PRRX1: variants seen among roughly 807,000 people sequenced by gnomAD.
PRRX1 encodes paired related homeobox 1.
In PRRX1, 8 loss-of-function variants were observed where a neutral mutation model predicts 24.0. The ratio of observed to expected loss-of-function variants is 0.33; its 90% CI spans 0.20 to 0.60. The LOEUF (loss-of-function observed/expected upper bound fraction) is 0.60, where lower values mean the gene tolerates loss of function less well. Among genes scored for constraint, PRRX1 ranks in the 20% least tolerant of loss-of-function variants. The probability of loss-of-function intolerance (pLI) is 0.82; values close to 1 mark genes in which losing one functional copy is unlikely to be tolerated. For missense variants in PRRX1, 281 were observed against 322.4 expected (o/e 0.87, Z 0.98); for synonymous variants, 160 against 131.7 (o/e 1.22, Z -1.47).
rs372525166 is a variant in PRRX1 at position 170,692,741 on chromosome 1, T to TCTCACA, written c.242-26984_242-26983insTCACAC. On this transcript the variant is annotated intron_variant, in intron 1 of 3. Transcript: ENST00000239461. Reference sequence around the variant, plus strand: ...CTCTCTCTCTCTCTCTCTCTCTCTCTCACACACACACACACACACACAGAC... The same window carrying TCTCACA: ...CTCTCTCTCTCTCTCTCTCTCTCTCTCTCACACACACACACACACACACACACAGAC... 2.6e-3 allele frequency among the ~76,000 whole-genome samples: 361 copies of TCTCACA among 139,548 alleles called. 1 individual carries two copies. Among genetic ancestry groups the TCTCACA allele is most frequent in the Admixed American group, 7.4e-3 (102 of 13,814 alleles). 91.5% of individuals were successfully genotyped at this position (139,548 alleles called of 152,430 possible).
rs753593273 is a variant in PRRX1 at position 170,726,384 on chromosome 1, G to C, written c.582G>C (p.Gly194=). The change falls in exon 3 of 4, where the codon GGG becomes GGC. Residue 194 remains glycine, a synonymous_variant. Coordinates refer to ENST00000239461, the MANE Select transcript of PRRX1 (RefSeq NM_022716.4). ...APRPTDYLSW[G]TASPYSAMAT... is the part of the protein sequence containing the mutation. The stretch of plus-strand genomic sequence containing the variant: ...GACCCACCGATTATCTCTCCTGGGG[G>C]ACAGCGTCTCCGTACAGGTGAATGA... The C allele has an allele frequency of 1.9e-6, 3 of 1,613,942 alleles. No homozygotes were observed. The highest frequency in any genetic ancestry group is 2.5e-6 in the Non-Finnish European group (3 of 1,179,890).
intron 1 of PRRX1, among the ~76,000 whole-genome samples, chr1:170,697,572 T>C (rs1654211662): frequency 6.6e-6 from 1 of 151,260 alleles, no homozygotes; most frequent in Non-Finnish European, 1.5e-5. Context: ...TTCCAATCTT[T>C]TGCTGAACAT....
At chr1:170,674,553 C>T (rs532255096) in intron 1 of PRRX1, among the ~76,000 whole-genome samples, 1 of 152,220 alleles carries the variant, frequency 6.6e-6, no homozygotes, top group South Asian at 2.1e-4. Context: ...ACAAGTAGTG[C>T]TCAATTGTTT....
chr1:170,717,484 CTT>C (rs2101915750), intron 1 of PRRX1, among the ~76,000 whole-genome samples: 2 of 152,278 alleles, frequency 1.3e-5, no homozygotes, highest in East Asian at 3.9e-4. Flanking sequence ...AAAGAATTTT[CTT>C]TGAGAGAAGA....
intron 1 of PRRX1, among the ~76,000 whole-genome samples, chr1:170,717,417 G>T (rs1654938091): frequency 6.6e-6 from 1 of 152,186 alleles, no homozygotes; most frequent in Admixed American, 6.5e-5. Context: ...GGCAGTACAA[G>T]AAGAAATAGG....
chr1:170,730,387 T>G (rs571768415), intron 3 of PRRX1: 1 of 1,541,504 alleles, frequency 6.5e-7, no homozygotes, highest in South Asian at 1.1e-5. Flanking sequence ...CTGCTTGGGG[T>G]AGGGTTTAAG....
In PRRX1 at chr1:170,706,697, A is replaced by G. The variant is rs16863513; in HGVS notation, c.242-13029A>G. Among the ~76,000 whole-genome samples, 1,162 of 152,298 alleles carry G rather than the reference A, an allele frequency of 7.6e-3. 14 individuals carry two copies. Among genetic ancestry groups the G allele is most frequent in the African/African-American group, 0.027 (1,103 of 41,554 alleles). ...GGTCTGGGGCTATGATTAATTAGAG[A>G]CAAGTTTTGATATAAAAAATGGGTT... On this transcript the variant is annotated intron_variant, in intron 1 of 3. Coordinates refer to ENST00000239461, the MANE Select transcript of PRRX1 (RefSeq NM_022716.4).
intron 1 of PRRX1, among the ~76,000 whole-genome samples, chr1:170,683,759 T>TGCA (rs1459721428): frequency 6.6e-6 from 1 of 152,256 alleles, no homozygotes; most frequent in Non-Finnish European, 1.5e-5. Context: ...TGCTAAAGAC[T>TGCA]GCAATTCAGA....
chr1:170,719,526 G>A (rs1655014604), intron 1 of PRRX1, among the ~76,000 whole-genome samples, 200 bp from the exon 2 acceptor site: 1 of 152,234 alleles, frequency 6.6e-6, no homozygotes, highest in African/African-American at 2.4e-5. Context: ...CCAAGCATTA[G>A]AGTTGCTGGG....
intron 1 of PRRX1, among the ~76,000 whole-genome samples, chr1:170,682,627 T>A (rs1653591808): frequency 6.6e-6 from 1 of 152,136 alleles, no homozygotes; most frequent in Non-Finnish European, 1.5e-5. Context: ...TTTTCATACA[T>A]ATTTGGCAAA....
intron 3 of PRRX1, chr1:170,726,646 CA>C (rs1655267779): frequency 4.2e-6 from 2 of 480,466 alleles, no homozygotes; most frequent in Non-Finnish European, 3.7e-6. Context: ...GGAACTCTTG[CA>C]AAGGTTTCAA....
chr1:170,684,073 G>T (rs915535856), intron 1 of PRRX1, among the ~76,000 whole-genome samples: 1 of 152,174 alleles, frequency 6.6e-6, no homozygotes, highest in South Asian at 2.1e-4. Flanking sequence ...TGGCGAGATG[G>T]ATCTAAAATT....
At chr1:170,695,616 G>C (rs1013173719) in intron 1 of PRRX1, among the ~76,000 whole-genome samples, 1 of 152,104 alleles carries the variant, frequency 6.6e-6, no homozygotes, top group Non-Finnish European at 1.5e-5. Context: ...GGCCAGGCTT[G>C]AGTTTTTGCA....
At chr1:170,682,264 T>C (rs916682815) in intron 1 of PRRX1, among the ~76,000 whole-genome samples, 3 of 151,164 alleles carry the variant, frequency 2.0e-5, no homozygotes, top group African/African-American at 7.3e-5. Context: ...CCCTGACCTC[T>C]AAGGTCTGAA....
intron 1 of PRRX1, among the ~76,000 whole-genome samples, chr1:170,706,574 A>G (rs886246902): frequency 9.8e-5 from 15 of 152,328 alleles, no homozygotes; most frequent in Non-Finnish European, 1.8e-4. Context: ...ACCCCATTAT[A>G]TAAAGTTGAC....
rs544500075 is a variant in PRRX1, at chr1:170,728,679, T to C, written c.599+2278T>C. 8.5e-5 allele frequency: 13 copies of C among 152,324 alleles called. No individual in the cohort carries two copies. In the South Asian group the frequency reaches 1.7e-3, roughly 19 times the overall value. 9.4% of individuals were successfully genotyped at this position (152,324 alleles called of 1,614,324 possible). On this transcript the variant is annotated intron_variant, in intron 3 of 3. Transcript: ENST00000239461. ...TTCAGATATAAGCAGAAAAGTGATGTTAAAACAATAATTTAATCAATAATA... is the reference window on the plus strand; with the variant it reads ...TTCAGATATAAGCAGAAAAGTGATGCTAAAACAATAATTTAATCAATAATA...
chr1:170,669,819 G>A lies in PRRX1; in HGVS notation c.241+5360G>A, dbSNP rs1195979156. Among the ~76,000 whole-genome samples the A allele has an allele frequency of 2.6e-5, 4 of 152,160 alleles. No homozygotes were observed. The East Asian group carries it at 7.7e-4, about 29-fold the overall frequency. On this transcript the variant is annotated intron_variant, in intron 1 of 3. Transcript: ENST00000239461. ...GCCGAGCTCACTTTCAACAGCTCTG[G>A]AAATATGAATGTATTTTTCCCCCCT...
intron 3 of PRRX1, among the ~76,000 whole-genome samples, chr1:170,731,845 A>G (rs1655447801): frequency 6.6e-6 from 1 of 152,220 alleles, no homozygotes; most frequent in Non-Finnish European, 1.5e-5. Flanking sequence ...AGCTGAATCA[A>G]CAGATGGGGT....
intron 1 of PRRX1, among the ~76,000 whole-genome samples, chr1:170,696,240 C>A (rs1468314989): frequency 6.6e-6 from 1 of 151,434 alleles, no homozygotes; most frequent in Non-Finnish European, 1.5e-5. Flanking sequence ...GGGTGTTATC[C>A]CCACACTGCA....
Sources: gnomAD v4.1 joint callset for allele counts (sites outside exome capture counted in the v4.1 genomes callset) on GRCh38, gnomAD v4.1.1 for gene constraint, MANE v1.5 for transcripts, NCBI Gene and HGNC (gene_info 2026-07-23, HGNC 2026-07-21) for gene names.